The following ADAMTS6 variants were observed in gnomAD, a reference collection of about 807,000 sequenced individuals.
ADAMTS6 encodes the protein ADAM metallopeptidase with thrombospondin type 1 motif 6.
A neutral mutation model predicts 144.3 loss-of-function variants in ADAMTS6; 23 were observed. The observed-to-expected ratio is 0.16, with a 90% CI of 0.11 to 0.23. The LOEUF is 0.23. Among genes scored for constraint, ADAMTS6 ranks in the 10% least tolerant of loss-of-function variants. The probability of loss-of-function intolerance (pLI) is 1.00; values close to 1 mark genes in which losing one functional copy is unlikely to be tolerated. For missense variants in ADAMTS6, 999 were observed against 1,379.6 expected (o/e 0.72, Z 4.37); for synonymous variants, 444 against 457.5 (o/e 0.97, Z 0.38).
At chr5:65,355,568 C>T (rs1749239947) in intron 7 of ADAMTS6, among the ~76,000 whole-genome samples, 1 of 151,788 alleles carries the variant, frequency 6.6e-6, no homozygotes, top group African/African-American at 2.4e-5. Context: ...ATCTTTAGCC[C>T]GTCATGGCAC....
chr5:65,304,949 G>A (rs1019198874), intron 9 of ADAMTS6, among the ~76,000 whole-genome samples: 3 of 151,852 alleles, frequency 2.0e-5, no homozygotes, highest in Admixed American at 6.6e-5. Flanking sequence ...ACATTGCTGG[G>A]GACAATAAAT....
intron 7 of ADAMTS6, among the ~76,000 whole-genome samples, chr5:65,390,048 C>T (rs1752788853): frequency 6.6e-6 from 1 of 152,050 alleles, no homozygotes; most frequent in African/African-American, 2.4e-5. Context: ...AATTCTAGCA[C>T]TCTTGAACAA....
At chr5:65,444,664 C>A (rs1462763316) in intron 7 of ADAMTS6, among the ~76,000 whole-genome samples, 4 of 152,168 alleles carry the variant, frequency 2.6e-5, no homozygotes, top group Admixed American at 2.6e-4. Flanking sequence ...CGCTAGACCA[C>A]AGTCCAGAGG....
intron 7 of ADAMTS6, among the ~76,000 whole-genome samples, chr5:65,388,855 T>C (rs1307057728): frequency 6.6e-6 from 1 of 152,158 alleles, no homozygotes; most frequent in Non-Finnish European, 1.5e-5. Flanking sequence ...GATAAATACT[T>C]ACATAAAGAA....
At chr5:65,277,898 A>G (rs1468502944) in intron 11 of ADAMTS6, among the ~76,000 whole-genome samples, 1 of 152,032 alleles carries the variant, frequency 6.6e-6, no homozygotes, top group Non-Finnish European at 1.5e-5. Flanking sequence ...GATGAATTAT[A>G]CCGTGGTGAA....
intron 1 of ADAMTS6, among the ~76,000 whole-genome samples, chr5:65,476,755 C>T (rs908445468): frequency 9.9e-5 from 15 of 151,964 alleles, no homozygotes; most frequent in African/African-American, 3.6e-4. Context: ...ATTACAGATG[C>T]GTGCCACCAT....
chr5:65,364,113 T>C (rs977433468), intron 7 of ADAMTS6, among the ~76,000 whole-genome samples: 2 of 152,116 alleles, frequency 1.3e-5, no homozygotes, highest in African/African-American at 4.8e-5. Context: ...AGTTCATCCA[T>C]CTAAAAAGCC....
chr5:65,374,177 C>T (rs1231383804), intron 7 of ADAMTS6, among the ~76,000 whole-genome samples: 1 of 152,136 alleles, frequency 6.6e-6, no homozygotes, highest in Non-Finnish European at 1.5e-5. Flanking sequence ...AAACTGGAAG[C>T]ATTCCCTTAG....
At chr5:65,193,580 A>C (rs67475355) in intron 21 of ADAMTS6, among the ~76,000 whole-genome samples, 29,545 of 151,990 alleles carry the variant, frequency 0.19, 3,072 homozygotes, top group African/African-American at 0.26. Flanking sequence ...AATAATAATA[A>C]CGACTGTTGT....
At chr5:65,164,710 T>A (rs1252692297) in intron 24 of ADAMTS6, among the ~76,000 whole-genome samples, 1 of 145,548 alleles carries the variant, frequency 6.9e-6, no homozygotes, top group East Asian at 2.1e-4. Context: ...CCTCCTCAAG[T>A]GGGTCCCTGA....
chr5:65,311,499 A>G (rs1234834379), intron 9 of ADAMTS6, among the ~76,000 whole-genome samples: 1 of 152,124 alleles, frequency 6.6e-6, no homozygotes, highest in Non-Finnish European at 1.5e-5. Flanking sequence ...TTTTCCTTTG[A>G]AATGTCATTT....
chr5:65,296,740 T>C (rs1742877723), intron 10 of ADAMTS6, among the ~76,000 whole-genome samples: 2 of 152,216 alleles, frequency 1.3e-5, no homozygotes, highest in Non-Finnish European at 2.9e-5. Flanking sequence ...ACATTGCTTC[T>C]CTTAATACGT....
intron 7 of ADAMTS6, among the ~76,000 whole-genome samples, chr5:65,444,370 C>A (rs775839911): frequency 2.0e-5 from 3 of 152,042 alleles, no homozygotes; most frequent in Admixed American, 6.5e-5. Context: ...CTGACACACA[C>A]ACAAAAAGCT....
At chr5:65,281,070 A>G (rs1201925949) in intron 11 of ADAMTS6, among the ~76,000 whole-genome samples, 3 of 152,186 alleles carry the variant, frequency 2.0e-5, no homozygotes, top group Non-Finnish European at 4.4e-5. Flanking sequence ...ACTATCAACA[A>G]CTATGCCAGG....
At chr5:65,336,369 GT>G (rs1747311265) in intron 7 of ADAMTS6, among the ~76,000 whole-genome samples, 1 of 152,038 alleles carries the variant, frequency 6.6e-6, no homozygotes. Context: ...TTAAAAATGT[GT>G]TTTTCATTGC....
intron 7 of ADAMTS6, among the ~76,000 whole-genome samples, chr5:65,366,921 T>C (rs1750355349): frequency 6.6e-6 from 1 of 152,118 alleles, no homozygotes; most frequent in African/African-American, 2.4e-5. Flanking sequence ...CAAGGAGGCA[T>C]GGATAACAAC....
At chr5:65,439,168 A>T (rs938792323) in intron 7 of ADAMTS6, among the ~76,000 whole-genome samples, 3 of 152,126 alleles carry the variant, frequency 2.0e-5, no homozygotes, top group Non-Finnish European at 4.4e-5. Context: ...GTCCATATTT[A>T]AAGAAAGAAA....
chr5:65,441,806 A>G (rs1272342594), intron 7 of ADAMTS6, among the ~76,000 whole-genome samples: 1 of 151,326 alleles, frequency 6.6e-6, no homozygotes, highest in Non-Finnish European at 1.5e-5. Flanking sequence ...GGAACTAAAT[A>G]ACACAATTCT....
chr5:65,170,340 A>G (rs1174269497), intron 24 of ADAMTS6, among the ~76,000 whole-genome samples: 1 of 152,232 alleles, frequency 6.6e-6, no homozygotes, highest in Admixed American at 6.5e-5. Context: ...CTTAGAATAC[A>G]AGGCTGGATA....
Sources: gnomAD v4.1 joint callset for allele counts (sites outside exome capture counted in the v4.1 genomes callset) on GRCh38, gnomAD v4.1.1 for gene constraint, MANE v1.5 for transcripts, NCBI Gene and HGNC (gene_info 2026-07-23, HGNC 2026-07-21) for gene names.